The following ZGRF1 variants were observed in gnomAD, a reference collection of about 807,000 sequenced individuals.
The protein encoded by ZGRF1 is 5'-3' DNA helicase ZGRF1.
In ZGRF1, 196 loss-of-function variants were observed where a neutral mutation model predicts 203.5. The observed-to-expected ratio is 0.96, with a 90% CI of 0.86 to 1.08. The LOEUF (loss-of-function observed/expected upper bound fraction) is 1.08, where lower values mean the gene tolerates loss of function less well. Ranked by LOEUF, ZGRF1 falls within the 50% of genes least tolerant of loss-of-function variation. The pLI is 0.00. For synonymous variants in ZGRF1, 809 were observed against 841.3 expected, an observed-to-expected ratio of 0.96 and a Z score of 0.66; for missense variants, 2,326 against 2,416.3, an observed-to-expected ratio of 0.96 and a Z score of 0.78.
At chr4:112,629,371 C>T (rs565629809) in intron 3 of ZGRF1, among the ~76,000 whole-genome samples, 19 of 152,152 alleles carry the variant, frequency 1.2e-4, no homozygotes, top group Non-Finnish European at 2.2e-4. Context: ...TTAGGTAATC[C>T]GATATTTAAA....
chr4:112,575,358 A>G (rs1275008075), intron 16 of ZGRF1, among the ~76,000 whole-genome samples: 1 of 152,170 alleles, frequency 6.6e-6, no homozygotes, highest in Non-Finnish European at 1.5e-5. Flanking sequence ...AGCAATGCAG[A>G]AGACGGGTGA....
intron 24 of ZGRF1, among the ~76,000 whole-genome samples, chr4:112,543,075 G>A (rs967479438): frequency 5.3e-5 from 8 of 151,976 alleles, no homozygotes; most frequent in Middle Eastern, 3.4e-3. Context: ...TTTAATAATT[G>A]TGAACTAGTT....
At chr4:112,582,127 T>G (rs900563349) in intron 15 of ZGRF1, among the ~76,000 whole-genome samples, 2 of 152,186 alleles carry the variant, frequency 1.3e-5, no homozygotes, top group African/African-American at 2.4e-5. Context: ...CCTGATACCT[T>G]TACACATTGT....
At chr4:112,596,752 C>T (rs1187355890) in intron 10 of ZGRF1, among the ~76,000 whole-genome samples, 1 of 152,200 alleles carries the variant, frequency 6.6e-6, no homozygotes. Flanking sequence ...TGCCACCACG[C>T]CTGGCTAATT....
chr4:112,582,465 T>G (rs1746434967), intron 15 of ZGRF1, among the ~76,000 whole-genome samples: 1 of 152,106 alleles, frequency 6.6e-6, no homozygotes, highest in African/African-American at 2.4e-5. Context: ...TTTTCCTTTT[T>G]TTTTGAGACA....
chr4:112,547,231 C>T, intron 24 of ZGRF1, 54 bp downstream of exon 24: 3 of 1,541,632 alleles, frequency 1.9e-6, no homozygotes, highest in African/African-American at 1.4e-5. Flanking sequence ...AACACACACA[C>T]ACACAATGTA....
chr4:112,565,117 C>T (rs144124270), intron 16 of ZGRF1: 47,510 of 1,394,796 alleles, frequency 0.034, 1,017 homozygotes, highest in Middle Eastern at 0.062. Flanking sequence ...TCGTTACAGG[C>T]CTGGTACTGT....
intron 16 of ZGRF1, chr4:112,565,331 C>A (rs1273708961): frequency 2.0e-5 from 27 of 1,352,312 alleles, no homozygotes; most frequent in Admixed American, 5.1e-5. Flanking sequence ...GCTATCCATG[C>A]CAAACGTGTA....
In ZGRF1 at chr4:112,587,640, A is replaced by G. The variant is rs539749602; in HGVS notation, c.3417T>C (p.Asn1139=). The change falls in exon 12 of 28, where the codon AAT becomes AAC. Residue 1139 remains asparagine (N), a synonymous_variant. Coordinates refer to ENST00000505019, the MANE Select transcript of ZGRF1 (RefSeq NM_018392.5). Reference sequence around the variant, plus strand: ...TCAGCCACTTGCTCTGAGTAGATATATTATTAAGTGAAACATCCCCTGGAT... The same window carrying G: ...TCAGCCACTTGCTCTGAGTAGATATGTTATTAAGTGAAACATCCCCTGGAT... ...EVNPGDVSLN[N]ISTQSKWLKY... is the part of the protein sequence containing the mutation. The G allele has an allele frequency of 1.7e-5, 27 of 1,613,730 alleles. No homozygotes were observed. Among genetic ancestry groups the G allele is most frequent in the Non-Finnish European group, 2.2e-5 (26 of 1,179,856 alleles).
intron 16 of ZGRF1, among the ~76,000 whole-genome samples, chr4:112,578,649 G>A (rs1469329104): frequency 1.6e-5 from 2 of 123,094 alleles, no homozygotes. Context: ...ACACCTCTAC[G>A]CAAATAAACT....
At chr4:112,569,526 G>A (rs1160064032) in intron 16 of ZGRF1, among the ~76,000 whole-genome samples, 2 of 152,120 alleles carry the variant, frequency 1.3e-5, no homozygotes, top group Non-Finnish European at 2.9e-5. Context: ...GTCAACTGGG[G>A]GCAGGGCGGG....
chr4:112,586,663 AT>A lies in ZGRF1; in HGVS notation c.3778-81del, dbSNP rs1003770685. The A allele has an allele frequency of 9.8e-5, 107 of 1,092,386 alleles. No homozygotes were observed. The African/African-American group carries it at 1.4e-3, about 14-fold the overall frequency. The allele number at this position is 1,092,386 out of a possible 1,614,324, so 67.7% of individuals were successfully genotyped here. On this transcript the variant is annotated intron_variant, in intron 12 of 27. Transcript: ENST00000505019. ...AAAGAGTAAATTATTTTTCATAGAC[AT>A]TTTTTAAAAATATTAATTTTTCTTT...
rs1410996006 is a variant in ZGRF1 at position 112,579,670 on chromosome 4, C to G, written c.4438+1993G>C. Among the ~76,000 whole-genome samples, 2 of 120,504 alleles carry G rather than the reference C, an allele frequency of 1.7e-5. 1 individual carries two copies. Among genetic ancestry groups the G allele is most frequent in the African/African-American group, 5.8e-5 (2 of 34,670 alleles). The allele number at this position is 120,504 out of a possible 152,430, so 79.1% of individuals were successfully genotyped here. A position where few individuals can be genotyped will look rare whatever the true frequency, so the allele number is the denominator to read the frequency against. On this transcript the variant is annotated intron_variant, in intron 16 of 27. Coordinates refer to ENST00000505019, the MANE Select transcript of ZGRF1 (RefSeq NM_018392.5). ...CAAATCATGAGTGAACTCCCATTCACAATTGCTTCAAAGAGAATAAAATAC... is the reference window on the plus strand; with the variant it reads ...CAAATCATGAGTGAACTCCCATTCAGAATTGCTTCAAAGAGAATAAAATAC...
At chr4:112,553,462 T>A (rs1260165985) in intron 22 of ZGRF1, among the ~76,000 whole-genome samples, 1 of 152,230 alleles carries the variant, frequency 6.6e-6, no homozygotes, top group Admixed American at 6.5e-5. Flanking sequence ...GATATTTTAC[T>A]CAGGGTCAGA....
intron 16 of ZGRF1, among the ~76,000 whole-genome samples, chr4:112,572,156 TAA>T: frequency 6.6e-6 from 1 of 152,228 alleles, no homozygotes; most frequent in African/African-American, 2.4e-5. Context: ...ACTGAAGATT[TAA>T]ATCTCATAGC....
intron 3 of ZGRF1, among the ~76,000 whole-genome samples, chr4:112,629,151 T>G (rs1418107896): frequency 1.3e-5 from 2 of 152,188 alleles, no homozygotes. Context: ...GTCTCAAATT[T>G]CAATCCAAAA....
At chr4:112,617,351 TTAATG>T in intron 6 of ZGRF1, 84 bp downstream of exon 6, 1 of 945,546 alleles carries the variant, frequency 1.1e-6, no homozygotes, top group South Asian at 2.0e-5. Flanking sequence ...ATGTAATTCT[TTAATG>T]TATCACCCAG....
At chr4:112,584,511 C>T (rs774516184) in intron 14 of ZGRF1, among the ~76,000 whole-genome samples, 3 of 152,100 alleles carry the variant, frequency 2.0e-5, no homozygotes, top group South Asian at 2.1e-4. Flanking sequence ...TTCTCATTCG[C>T]GTAAGTACAC....
chr4:112,607,411 C>T (rs982102037), intron 8 of ZGRF1, among the ~76,000 whole-genome samples: 7 of 152,178 alleles, frequency 4.6e-5, no homozygotes, highest in Admixed American at 3.9e-4. Flanking sequence ...TGGGATTACC[C>T]GTGTGAGCCA....
Sources: allele counts gnomAD v4.1 joint callset (sites outside exome capture counted in the v4.1 genomes callset), GRCh38; gene constraint gnomAD v4.1.1; transcripts MANE v1.5; gene names NCBI Gene and HGNC (gene_info 2026-07-23, HGNC 2026-07-21).